PIEZO2: variants seen among roughly 807,000 people sequenced by gnomAD.
PIEZO2 encodes piezo type mechanosensitive ion channel component 2, also known as piezo-type mechanosensitive ion channel component 2.
In PIEZO2, 172 loss-of-function variants were observed where a neutral mutation model predicts 337.3. The observed-to-expected ratio is 0.51, with a 90% CI of 0.45 to 0.58. The LOEUF is 0.58. Ranked by LOEUF, PIEZO2 falls within the 20% of genes least tolerant of loss-of-function variation. PIEZO2 has a pLI of 0.00. For synonymous variants in PIEZO2, 1,251 were observed against 1,228.5 expected (o/e 1.02, Z -0.38); for missense variants, 3,028 against 3,391.3 (o/e 0.89, Z 2.66).
chr18:11,115,260 T>C (rs1355405148), intron 1 of PIEZO2, among the ~76,000 whole-genome samples: 1 of 152,228 alleles, frequency 6.6e-6, no homozygotes, highest in African/African-American at 2.4e-5. Context: ...ATTTGCTAAT[T>C]GAAAATTGAG....
At chr18:10,785,675 A>G (rs960269154) in intron 16 of PIEZO2, among the ~76,000 whole-genome samples, 3 of 151,722 alleles carry the variant, frequency 2.0e-5, no homozygotes, top group African/African-American at 7.3e-5. Context: ...ATTCATCCAC[A>G]TTTCCTTCAG....
At position 10,741,969 on chromosome 18, in the gene PIEZO2, T is replaced by G. The variant is rs547059216; in HGVS notation, c.4636+525A>C. ...GAGATCGAGACCATCCGTGCTAACA[T>G]GGTGAAACCCTGTCTCTACTAAAAA... On this transcript the variant is annotated intron_variant, in intron 32 of 55. Coordinates refer to ENST00000674853, the MANE Select transcript of PIEZO2 (RefSeq NM_001378183.1). Among the ~76,000 whole-genome samples the G allele has an allele frequency of 5.9e-5, 9 of 151,890 alleles. No homozygotes were observed. In the East Asian group the frequency reaches 1.7e-3, roughly 29 times the overall value.
intron 3 of PIEZO2, among the ~76,000 whole-genome samples, chr18:10,961,845 T>A (rs754286732): frequency 1.1e-4 from 17 of 152,180 alleles, no homozygotes; most frequent in Non-Finnish European, 1.8e-4. Context: ...GCTAGATAGC[T>A]CTTATATCTA....
intron 10 of PIEZO2, among the ~76,000 whole-genome samples, chr18:10,800,776 G>A (rs1288177531): frequency 6.6e-6 from 1 of 151,500 alleles, no homozygotes; most frequent in Non-Finnish European, 1.5e-5. Context: ...AATGGCTGAA[G>A]GAGGCCTTCA....
At chr18:11,013,396 A>C (rs2035973984) in intron 2 of PIEZO2, among the ~76,000 whole-genome samples, 1 of 152,294 alleles carries the variant, frequency 6.6e-6, no homozygotes. Flanking sequence ...ACTTTAGCTC[A>C]TTTCAGACTC....
chr18:10,751,088 T>G (rs1332866977), intron 28 of PIEZO2, among the ~76,000 whole-genome samples: 1 of 152,234 alleles, frequency 6.6e-6, no homozygotes, highest in Non-Finnish European at 1.5e-5. Context: ...TTAGGCATCC[T>G]TTTGTTTCTC....
intron 49 of PIEZO2, among the ~76,000 whole-genome samples, chr18:10,684,864 T>C (rs752682758): frequency 6.6e-6 from 1 of 152,174 alleles, no homozygotes; most frequent in Admixed American, 6.5e-5. Flanking sequence ...TTTTTTGAGA[T>C]AGTGTCTTGC....
chr18:11,109,509 G>A lies in PIEZO2; in HGVS notation c.64+39016C>T, dbSNP rs113110185. 0.033 allele frequency among the ~76,000 whole-genome samples: 5,038 copies of A among 152,052 alleles called. 278 individuals are homozygous for A. Among genetic ancestry groups the A allele is most frequent in the African/African-American group, 0.11 (4,694 of 41,444 alleles). On this transcript the variant is annotated intron_variant, in intron 1 of 55. Transcript: ENST00000674853. The surrounding 1 kb of genome is among the most constrained non-coding windows in gnomAD (Gnocchi z 5.1). ...GGTGGGTGGATCACTTGAGGTCAGG[G>A]GTTTGAGACGACCCTGGCCAAGATG...
chr18:10,809,044 A>T (rs1472085468), intron 7 of PIEZO2, among the ~76,000 whole-genome samples: 2 of 152,330 alleles, frequency 1.3e-5, no homozygotes, highest in East Asian at 3.9e-4. Context: ...TATAGACATT[A>T]CATACCTTGC....
rs2033323350 is a variant in PIEZO2, at chr18:10,952,167, A to T, written c.286+27368T>A. ...GAGCCCCCAAAACAAACAGTGAAACAGTGAGAGGAAAATTCCAATGTGTTA... is the reference window on the plus strand; with the variant it reads ...GAGCCCCCAAAACAAACAGTGAAACTGTGAGAGGAAAATTCCAATGTGTTA... On this transcript the variant is annotated intron_variant, in intron 3 of 55. Coordinates refer to ENST00000674853, the MANE Select transcript of PIEZO2 (RefSeq NM_001378183.1). The surrounding 1 kb of genome is among the most constrained non-coding windows in gnomAD (Gnocchi z 4.1). Among the ~76,000 whole-genome samples the T allele has an allele frequency of 6.6e-6, 1 of 152,216 alleles. No individual in the cohort carries two copies. The highest frequency in any genetic ancestry group is 1.5e-5 in the Non-Finnish European group (1 of 68,042).
chr18:10,947,021 TAAA>T (rs1330424435), intron 3 of PIEZO2, among the ~76,000 whole-genome samples: 2 of 151,528 alleles, frequency 1.3e-5, no homozygotes, highest in South Asian at 2.1e-4. Context: ...TAGAAGTTAT[TAAA>T]AAAACAACTA....
Position 10,744,236 on chromosome 18 carries a change from A to T in PIEZO2, c.4425-5T>A. ...GCCTGGAAAAGTTCAGCTCCTCTAA[A>T]GGGAAAGTGGAAACATGAACAAGTC... On this transcript the variant is annotated splice_polypyrimidine_tract_variant and splice_region_variant and intron_variant, in intron 30 of 55. Coordinates refer to ENST00000674853, the MANE Select transcript of PIEZO2 (RefSeq NM_001378183.1). 1 of 1,508,226 alleles carries T rather than the reference A, an allele frequency of 6.6e-7. No homozygotes were observed. The highest frequency in any genetic ancestry group is 8.9e-7 in the Non-Finnish European group (1 of 1,120,772). 93.4% of individuals were successfully genotyped at this position (1,508,226 alleles called of 1,614,324 possible).
chr18:10,776,022 CTG>C (rs1174302224), intron 18 of PIEZO2, among the ~76,000 whole-genome samples: 18 of 152,246 alleles, frequency 1.2e-4, no homozygotes, highest in African/African-American at 4.3e-4. Context: ...TTGTAAAAAA[CTG>C]TGTGCATAAA....
intron 3 of PIEZO2, among the ~76,000 whole-genome samples, chr18:10,978,315 G>A (rs1014211422): frequency 1.3e-5 from 2 of 151,316 alleles, no homozygotes; most frequent in African/African-American, 4.9e-5. Flanking sequence ...CAGCCTGGGT[G>A]ACAGAGTGAG....
At position 10,862,357 on chromosome 18, in the gene PIEZO2, A is replaced by T. The variant is rs1218962736; in HGVS notation, c.493-5146T>A. Among the ~76,000 whole-genome samples, 5 of 152,198 alleles carry T rather than the reference A, an allele frequency of 3.3e-5. No homozygotes were observed. The highest frequency in any genetic ancestry group is 7.3e-5 in the Non-Finnish European group (5 of 68,030). On this transcript the variant is annotated intron_variant, in intron 5 of 55. Coordinates refer to ENST00000674853, the MANE Select transcript of PIEZO2 (RefSeq NM_001378183.1). The surrounding 1 kb of genome is among the most constrained non-coding windows in gnomAD (Gnocchi z 4.4). ...TTAGGTGCTATGGAATCAACTTTACACAAGGCCAGCCTGTTCTCTGTTAGG... is the reference window on the plus strand; with the variant it reads ...TTAGGTGCTATGGAATCAACTTTACTCAAGGCCAGCCTGTTCTCTGTTAGG...
intron 1 of PIEZO2, among the ~76,000 whole-genome samples, chr18:11,076,812 T>C (rs975587663): frequency 3.9e-5 from 6 of 152,226 alleles, no homozygotes; most frequent in African/African-American, 1.2e-4. Context: ...GTTTTCTAAA[T>C]TCATCCTGAT....
At chr18:11,056,206 G>C (rs2037728193) in intron 2 of PIEZO2, among the ~76,000 whole-genome samples, 1 of 152,124 alleles carries the variant, frequency 6.6e-6, no homozygotes, top group African/African-American at 2.4e-5. Flanking sequence ...GTGGTCATTG[G>C]GTCCAGGCTG....
chr18:11,092,835 C>G lies in PIEZO2; in HGVS notation c.65-26613G>C, dbSNP rs1202963067. Among the ~76,000 whole-genome samples, 1 of 152,182 alleles carries G rather than the reference C, an allele frequency of 6.6e-6. No individual in the cohort carries two copies. The highest frequency in any genetic ancestry group is 1.9e-4 in the East Asian group (1 of 5,204). On this transcript the variant is annotated intron_variant, in intron 1 of 55. Transcript: ENST00000674853. This position sits in a 1 kb window ranked among gnomAD's most constrained non-coding sequence, Gnocchi z 4.5. Reference sequence around the variant, plus strand: ...TGGCCCCCTCATCCCTTCACAGGGCCACATATCTGTCCAGGGAGCAATCGC... The same window carrying G: ...TGGCCCCCTCATCCCTTCACAGGGCGACATATCTGTCCAGGGAGCAATCGC...
At chr18:11,095,315 G>A (rs527534431) in intron 1 of PIEZO2, among the ~76,000 whole-genome samples, 5 of 152,190 alleles carry the variant, frequency 3.3e-5, no homozygotes, top group African/African-American at 9.6e-5. Context: ...TCCCTTTCTT[G>A]CCATGCCAGG....
Sources: allele counts gnomAD v4.1 joint callset (sites outside exome capture counted in the v4.1 genomes callset), GRCh38; gene constraint gnomAD v4.1.1; non-coding constraint Gnocchi (gnomAD v3.1); transcripts MANE v1.5; gene names NCBI Gene and HGNC (gene_info 2026-07-23, HGNC 2026-07-21).